BBS9: variants seen among roughly 807,000 people sequenced by gnomAD.
BBS9 encodes protein PTHB1.
BBS9 carries 89 observed loss-of-function variants against 117.7 expected under a neutral mutation model. The ratio of observed to expected loss-of-function variants is 0.76; its 90% CI spans 0.64 to 0.90. The LOEUF is 0.90. Among genes scored for constraint, BBS9 ranks in the 40% least tolerant of loss-of-function variants. BBS9 has a pLI of 0.00. For missense variants in BBS9, 982 were observed against 1,042.2 expected (o/e 0.94, Z 0.80); for synonymous variants, 379 against 370.9 (o/e 1.02, Z -0.25).
chr7:33,604,964 C>T lies in BBS9; in HGVS notation c.2621C>T (p.Thr874Ile), dbSNP rs750363787. The T allele has an allele frequency of 2.5e-6, 4 of 1,609,334 alleles. No homozygotes were observed. The highest frequency in any genetic ancestry group is 3.4e-6 in the Non-Finnish European group (4 of 1,175,766). The change falls in exon 22 of 23, where the codon ACA (threonine) becomes ATA (isoleucine). Residue 874 changes from threonine (T) to isoleucine (I), a missense_variant. Thr to Ile is a moderately conservative substitution (Grantham distance 89, BLOSUM62 -1). Coordinates refer to ENST00000242067, the MANE Select transcript of BBS9 (RefSeq NM_198428.3). ...AACCACAGACATCTCACTGCAGAGA[C>T]ACCCAGGCCTGGTAAGAGACTGGAT... ...FTNHRHLTAE[T>I]PRPEVSPLQG...
chr7:33,431,178 G>A (rs1834398398), intron 19 of BBS9, among the ~76,000 whole-genome samples: 1 of 151,106 alleles, frequency 6.6e-6, no homozygotes, highest in Non-Finnish European at 1.5e-5. Flanking sequence ...ACCAGCCTGG[G>A]AGTGTGGAAT....
intron 21 of BBS9, among the ~76,000 whole-genome samples, chr7:33,547,116 G>A (rs549873083): frequency 6.6e-6 from 1 of 152,176 alleles, no homozygotes; most frequent in East Asian, 1.9e-4. Context: ...TTCCCCTGAT[G>A]GTGACAGCTA....
intron 1 of BBS9, among the ~76,000 whole-genome samples, chr7:33,142,369 G>A (rs1383460775): frequency 1.3e-5 from 2 of 152,204 alleles, no homozygotes; most frequent in African/African-American, 4.8e-5. Flanking sequence ...TGCTTATTAT[G>A]TGCCAGGTAT....
chr7:33,532,021 A>T (rs1850655871), intron 20 of BBS9, among the ~76,000 whole-genome samples: 1 of 152,186 alleles, frequency 6.6e-6, no homozygotes, highest in Non-Finnish European at 1.5e-5. Flanking sequence ...GGATGTGGAG[A>T]ACTCCAGTCA....
At chr7:33,369,412 C>T (rs1156952401) in intron 17 of BBS9, among the ~76,000 whole-genome samples, 1 of 152,074 alleles carries the variant, frequency 6.6e-6, no homozygotes, top group Non-Finnish European at 1.5e-5. Context: ...ATGTTGCCCA[C>T]GATTACCTTA....
chr7:33,389,825 A>AT (rs1473384153), intron 19 of BBS9, among the ~76,000 whole-genome samples: 1 of 151,822 alleles, frequency 6.6e-6, no homozygotes, highest in Non-Finnish European at 1.5e-5. Flanking sequence ...GTTGTTGCTT[A>AT]TTAGATGTAT....
At chr7:33,459,297 G>A (rs573239769) in intron 19 of BBS9, among the ~76,000 whole-genome samples, 33 of 151,938 alleles carry the variant, frequency 2.2e-4, no homozygotes, top group Non-Finnish European at 4.0e-4. Context: ...TTGGGAGTGG[G>A]ATGATCGAGA....
chr7:33,631,854 A>G (rs1023990596), intron 21 of BBS9, among the ~76,000 whole-genome samples: 2 of 152,084 alleles, frequency 1.3e-5, no homozygotes, highest in Admixed American at 6.5e-5. Flanking sequence ...TGTTCCCATG[A>G]TGGGGATTAT....
At chr7:33,371,358 G>A (rs1264928167) in intron 17 of BBS9, among the ~76,000 whole-genome samples, 2 of 152,084 alleles carry the variant, frequency 1.3e-5, no homozygotes, top group Admixed American at 6.6e-5. Flanking sequence ...GATAAATTTT[G>A]AGTATCTAGT....
chr7:33,555,166 C>A (rs1301884229), intron 21 of BBS9, among the ~76,000 whole-genome samples: 1 of 152,094 alleles, frequency 6.6e-6, no homozygotes, highest in Non-Finnish European at 1.5e-5. Flanking sequence ...GAGCACTGCC[C>A]CATCTTGTTA....
rs1274138606 is a variant in BBS9 at position 33,605,274 on chromosome 7, G to A, written c.*48G>A. ...AGAGGAACATCCCCATCTCAAGGCCGAACCTGTGTGAACCTCATGCCAAGC... is the reference window on the plus strand; with the variant it reads ...AGAGGAACATCCCCATCTCAAGGCCAAACCTGTGTGAACCTCATGCCAAGC... On this transcript the variant is annotated 3_prime_UTR_variant, in exon 23 of 23. Transcript: ENST00000242067. 24 of 1,549,446 alleles carry A rather than the reference G, an allele frequency of 1.5e-5. No individual in the cohort carries two copies. The highest frequency in any genetic ancestry group is 3.4e-4 in the Middle Eastern group (2 of 5,932).
chr7:33,503,387 C>CCA (rs1845715443), intron 19 of BBS9, among the ~76,000 whole-genome samples: 1 of 152,194 alleles, frequency 6.6e-6, no homozygotes, highest in African/African-American at 2.4e-5. Flanking sequence ...GGCACTGATA[C>CCA]CTGTATGGCA....
At position 33,634,193 on chromosome 7, in the gene BBS9, G is replaced by A. The variant is rs551787286; in HGVS notation, c.2522-984G>A. Among the ~76,000 whole-genome samples, 55 of 152,328 alleles carry A rather than the reference G, an allele frequency of 3.6e-4. 1 individual carries two copies. The highest frequency in any genetic ancestry group is 1.2e-3 in the African/African-American group (50 of 41,576). On this transcript the variant is annotated intron_variant, in intron 21 of 21. Coordinates refer to the BBS9 transcript ENST00000671952. Reference sequence around the variant, plus strand: ...CCTCCCCCAGGAGTGCCTGAGCCTTGGTAGGGAGGTGGATGGATACAAGGC... The same window carrying A: ...CCTCCCCCAGGAGTGCCTGAGCCTTAGTAGGGAGGTGGATGGATACAAGGC...
At chr7:33,244,429 A>G (rs537323130) in intron 5 of BBS9, among the ~76,000 whole-genome samples, 16 of 152,206 alleles carry the variant, frequency 1.1e-4, no homozygotes, top group African/African-American at 3.6e-4. Flanking sequence ...TTCCTGGCAC[A>G]TTTTTTCCTA....
At chr7:33,408,419 G>C (rs1459379246) in intron 19 of BBS9, among the ~76,000 whole-genome samples, 1 of 151,870 alleles carries the variant, frequency 6.6e-6, no homozygotes, top group Non-Finnish European at 1.5e-5. Flanking sequence ...CCCTGCTTTC[G>C]CTGGTGCACG....
chr7:33,283,969 T>C (rs1802392344), intron 9 of BBS9, among the ~76,000 whole-genome samples: 4 of 152,206 alleles, frequency 2.6e-5, no homozygotes, highest in Admixed American at 2.0e-4. Context: ...TCACAGGTCC[T>C]TGGTGCTAAG....
intron 21 of BBS9, among the ~76,000 whole-genome samples, chr7:33,541,494 C>T (rs1172600986): frequency 6.6e-6 from 1 of 152,096 alleles, no homozygotes; most frequent in Admixed American, 6.5e-5. Flanking sequence ...TCAGTGCTAC[C>T]ATAAAAAATA....
Position 33,605,495 on chromosome 7 carries a change from A to T in BBS9, c.*269A>T. On this transcript the variant is annotated 3_prime_UTR_variant, in exon 23 of 23. Coordinates refer to ENST00000242067, the MANE Select transcript of BBS9 (RefSeq NM_198428.3). ...ATCCATCTGCTAATAGTCACAGAAT[A>T]CAGTGAAATGACATAGTTTTGGGTT... is the stretch of plus-strand genomic sequence containing the variant. 1 of 509,816 alleles carries T rather than the reference A, an allele frequency of 2.0e-6. No homozygotes were observed. Among genetic ancestry groups the T allele is most frequent in the Non-Finnish European group, 3.5e-6 (1 of 282,880 alleles). The allele number at this position is 509,816 out of a possible 1,614,324, so 31.6% of individuals were successfully genotyped here.
chr7:33,323,839 T>TC (rs1430128487), intron 9 of BBS9, among the ~76,000 whole-genome samples: 1 of 143,036 alleles, frequency 7.0e-6, no homozygotes, highest in Non-Finnish European at 1.5e-5. Context: ...CTTCCTTTTT[T>TC]TTTTTTTTTT....
Sources: allele counts gnomAD v4.1 joint callset (sites outside exome capture counted in the v4.1 genomes callset), GRCh38; gene constraint gnomAD v4.1.1; transcripts MANE v1.5; gene names NCBI Gene and HGNC (gene_info 2026-07-23, HGNC 2026-07-21).